LARGE1: variants seen among roughly 807,000 people sequenced by gnomAD.
LARGE1 encodes the protein xylosyl- and glucuronyltransferase LARGE1.
In LARGE1, 43 loss-of-function variants were observed where a neutral mutation model predicts 87.6. That is an observed-to-expected ratio of 0.49 (90% CI 0.38 to 0.63). LARGE1 has a LOEUF of 0.63. Ranked by LOEUF, LARGE1 falls within the 30% of genes least tolerant of loss-of-function variation. The pLI is 0.00. For missense variants in LARGE1, 802 were observed against 1,000.2 expected, an observed-to-expected ratio of 0.80 and a Z score of 2.67; for synonymous variants, 434 against 394.6, an observed-to-expected ratio of 1.10 and a Z score of -1.18.
chr22:33,541,054 C>CGGGGGGGGG (rs57583473), intron 6 of LARGE1, among the ~76,000 whole-genome samples: 1 of 13,720 alleles, frequency 7.3e-5, no homozygotes. Context: ...TGGTGGGTTG[C>CGGGGGGGGG]GGGGGGGGGG....
intron 6 of LARGE1, among the ~76,000 whole-genome samples, chr22:33,540,248 T>C (rs562831366): frequency 7.2e-5 from 11 of 152,338 alleles, no homozygotes; most frequent in African/African-American, 2.6e-4. Context: ...CAGAGCCATG[T>C]GAACCTCCAT....
intron 2 of LARGE1, among the ~76,000 whole-genome samples, chr22:33,738,529 G>A (rs746500252): frequency 2.6e-5 from 4 of 152,164 alleles, no homozygotes; most frequent in Non-Finnish European, 4.4e-5. Context: ...AAAGGAGCAC[G>A]AAGCATCCCT....
intron 11 of LARGE1, among the ~76,000 whole-genome samples, chr22:33,204,226 AG>A (rs1409616305): frequency 6.6e-6 from 1 of 152,236 alleles, no homozygotes; most frequent in African/African-American, 2.4e-5. Flanking sequence ...GAAAACGGAT[AG>A]GGAGTGTTAC....
intron 1 of LARGE1, among the ~76,000 whole-genome samples, chr22:33,774,280 C>A (rs111430705): frequency 0.014 from 2,120 of 152,164 alleles, 55 homozygotes; most frequent in African/African-American, 0.049. Context: ...GCCACTCTTA[C>A]AAAACTTACC....
chr22:33,209,592 C>T (rs1390521053), intron 11 of LARGE1, among the ~76,000 whole-genome samples: 1 of 152,180 alleles, frequency 6.6e-6, no homozygotes, highest in Non-Finnish European at 1.5e-5. Context: ...TAAATATTTG[C>T]TCTATGTACA....
intron 6 of LARGE1, among the ~76,000 whole-genome samples, chr22:33,552,640 A>G (rs1324384559): frequency 6.6e-6 from 1 of 152,192 alleles, no homozygotes. Context: ...CTCAAAGATA[A>G]AAAGAAAAGC....
intron 6 of LARGE1, among the ~76,000 whole-genome samples, chr22:33,509,164 C>T (rs533877765): frequency 6.6e-6 from 1 of 152,278 alleles, no homozygotes; most frequent in South Asian, 2.1e-4. Context: ...GGGCCCCACC[C>T]CTAGGGTTAC....
chr22:33,712,900 G>A (rs1603225036), intron 2 of LARGE1, among the ~76,000 whole-genome samples: 1 of 152,074 alleles, frequency 6.6e-6, no homozygotes. Flanking sequence ...ACTCACAGAA[G>A]GTATATGGTA....
At position 33,741,751 on chromosome 22, in the gene LARGE1, T is replaced by C. The variant is rs550137942; in HGVS notation, c.106+19620A>G. On this transcript the variant is annotated intron_variant, in intron 2 of 14. Coordinates refer to ENST00000397394, the MANE Select transcript of LARGE1 (RefSeq NM_133642.5). ...ACTGAGAAAGCACAGGCCAAGCGCC[T>C]GGAATGGCAGCGGGAAGAAAGAGCT... Among the ~76,000 whole-genome samples the C allele has an allele frequency of 3.4e-4, 52 of 152,302 alleles. No homozygotes were observed. The South Asian group carries it at 0.01, about 30-fold the overall frequency.
intron 6 of LARGE1, among the ~76,000 whole-genome samples, chr22:33,517,418 G>A (rs2071363494): frequency 6.6e-6 from 1 of 152,048 alleles, no homozygotes; most frequent in Non-Finnish European, 1.5e-5. Context: ...CTTTTTTTGA[G>A]ACAGTCTCGC....
intron 2 of LARGE1, among the ~76,000 whole-genome samples, chr22:33,678,908 A>G (rs967153627): frequency 6.6e-6 from 1 of 152,216 alleles, no homozygotes; most frequent in African/African-American, 2.4e-5. Flanking sequence ...CACTACAGAA[A>G]TAGTGCCAGT....
chr22:33,274,684 G>T, intron 14 of LARGE1, 60 bp from the exon 15 acceptor site: 1 of 1,452,106 alleles, frequency 6.9e-7, no homozygotes, highest in East Asian at 2.3e-5. Context: ...GCATGATGAA[G>T]GCCCAAGCGA....
At chr22:33,171,856 C>T (rs1009261846) in intron 11 of LARGE1, among the ~76,000 whole-genome samples, 14 of 152,242 alleles carry the variant, frequency 9.2e-5, no homozygotes, top group African/African-American at 3.1e-4. Flanking sequence ...CCCACTGGGG[C>T]ACTGCCTAGT....
chr22:33,260,709 G>A (rs1927580534), intron 11 of LARGE1, among the ~76,000 whole-genome samples: 1 of 152,158 alleles, frequency 6.6e-6, no homozygotes, highest in South Asian at 2.1e-4. Flanking sequence ...CAGTCACGCA[G>A]GAATCTTGAG....
At chr22:33,170,426 T>C (rs1345493996) in intron 11 of LARGE1, among the ~76,000 whole-genome samples, 1 of 152,112 alleles carries the variant, frequency 6.6e-6, no homozygotes, top group East Asian at 1.9e-4. Context: ...GCTAGCTTGA[T>C]ATGGTTTGGC....
chr22:33,502,866 A>G (rs367842316), intron 6 of LARGE1, among the ~76,000 whole-genome samples: 2 of 152,040 alleles, frequency 1.3e-5, no homozygotes, highest in African/African-American at 4.8e-5. Flanking sequence ...AAATTGAAGC[A>G]CAAGTGCTGG....
chr22:33,205,952 T>TTTTTC (rs1924656488), intron 11 of LARGE1, among the ~76,000 whole-genome samples: 2 of 140,352 alleles, frequency 1.4e-5, no homozygotes, highest in South Asian at 4.7e-4. Context: ...CTAATTCTTT[T>TTTTTC]TTTTTTTTTT....
chr22:33,706,723 T>C (rs1415760094), intron 2 of LARGE1, among the ~76,000 whole-genome samples: 1 of 152,224 alleles, frequency 6.6e-6, no homozygotes, highest in Non-Finnish European at 1.5e-5. Context: ...ACCTACCTTC[T>C]TAGAAGTTCT....
At chr22:33,628,754 G>A (rs561271209) in intron 3 of LARGE1, among the ~76,000 whole-genome samples, 1 of 151,728 alleles carries the variant, frequency 6.6e-6, no homozygotes, top group East Asian at 1.9e-4. Context: ...CTGGAAGGCA[G>A]TAGTTCTCAA....
Sources: gnomAD v4.1 joint callset for allele counts (sites outside exome capture counted in the v4.1 genomes callset) on GRCh38, gnomAD v4.1.1 for gene constraint, MANE v1.5 for transcripts, NCBI Gene and HGNC (gene_info 2026-07-23, HGNC 2026-07-21) for gene names.